The following ACKR3 variants were observed in gnomAD, a reference collection of about 807,000 sequenced individuals.
ACKR3 encodes atypical chemokine receptor 3.
In ACKR3, 6 loss-of-function variants were observed where a neutral mutation model predicts 22.4. The observed-to-expected ratio is 0.27, with a 90% CI of 0.15 to 0.53. The LOEUF (loss-of-function observed/expected upper bound fraction) is 0.53, where lower values mean the gene tolerates loss of function less well. Ranked by LOEUF, ACKR3 falls within the 20% of genes least tolerant of loss-of-function variation. The pLI is 0.96. For missense variants in ACKR3, 396 were observed against 475.2 expected (o/e 0.83, Z 1.55); for synonymous variants, 209 against 205.2 (o/e 1.02, Z -0.16).
the ACKR3 span, among the ~76,000 whole-genome samples, chr2:236,558,149 G>A: frequency 2.6e-5 from 4 of 152,132 alleles, no homozygotes; most frequent in Admixed American, 2.0e-4. Flanking sequence ...AGCTGGTGGT[G>A]GAAAAAAGCA....
the ACKR3 span, among the ~76,000 whole-genome samples, chr2:236,545,445 G>A: frequency 6.6e-6 from 1 of 152,172 alleles, no homozygotes; most frequent in East Asian, 1.9e-4. This position sits in a 1 kb window ranked among gnomAD's most constrained non-coding sequence, Gnocchi z 5.3. Context: ...CATTTCTTCC[G>A]CATTTGTGCA....
chr2:236,549,320 C>T, the ACKR3 span, among the ~76,000 whole-genome samples: 10 of 152,168 alleles, frequency 6.6e-5, no homozygotes. This position sits in a 1 kb window ranked among gnomAD's most constrained non-coding sequence, Gnocchi z 5.3. Context: ...CTGCCCATAC[C>T]CTTTTGTGGA....
chr2:236,579,837 T>C (rs762157504), intron 1 of ACKR3, among the ~76,000 whole-genome samples: 48 of 152,346 alleles, frequency 3.2e-4, no homozygotes, highest in Non-Finnish European at 5.7e-4. Context: ...AGAGGCTTTA[T>C]GACTGCACAC....
chr2:236,570,846 CTT>C (rs1691293592), intron 1 of ACKR3, among the ~76,000 whole-genome samples: 1 of 77,412 alleles, frequency 1.3e-5, no homozygotes, highest in Non-Finnish European at 2.4e-5. Flanking sequence ...CTCTCTTCCT[CTT>C]TCTTTCTTTC....
At chr2:236,569,053 T>C (rs1691249423), upstream of ACKR3, among the ~76,000 whole-genome samples, 1 of 152,206 alleles carries the variant, frequency 6.6e-6, no homozygotes, top group Non-Finnish European at 1.5e-5. Context: ...ACTTTAGCAA[T>C]ACGCATCCAA....
chr2:236,551,206 C>T, the ACKR3 span, among the ~76,000 whole-genome samples: 1 of 152,196 alleles, frequency 6.6e-6, no homozygotes, highest in South Asian at 2.1e-4. Context: ...CCTCAGCCTC[C>T]CGGTGCTCCG....
chr2:236,571,925 T>TA (rs1691319396), intron 1 of ACKR3, among the ~76,000 whole-genome samples: 1 of 152,204 alleles, frequency 6.6e-6, no homozygotes. Flanking sequence ...ATCAAATAAC[T>TA]TAGTTTTATT....
chr2:236,540,830 A>C, the ACKR3 span, among the ~76,000 whole-genome samples: 1 of 152,190 alleles, frequency 6.6e-6, no homozygotes. Context: ...TCTAGGGTCT[A>C]TCCTGCTCCA....
At chr2:236,564,021 A>G (rs1168523900), upstream of ACKR3, among the ~76,000 whole-genome samples, 1 of 152,132 alleles carries the variant, frequency 6.6e-6, no homozygotes, top group African/African-American at 2.4e-5. Flanking sequence ...CCTAAGGCCC[A>G]CCGGCCTCTG....
chr2:236,571,657 C>T (rs1172547668), intron 1 of ACKR3, among the ~76,000 whole-genome samples: 13 of 136,210 alleles, frequency 9.5e-5, no homozygotes. Context: ...AAACAAAAAA[C>T]CCTGCTTAAT....
the ACKR3 span, among the ~76,000 whole-genome samples, chr2:236,544,486 C>T: frequency 6.6e-6 from 1 of 152,128 alleles, no homozygotes; most frequent in South Asian, 2.1e-4. This position sits in a 1 kb window ranked among gnomAD's most constrained non-coding sequence, Gnocchi z 5.0. Flanking sequence ...GGTCTGGAGG[C>T]AGGGAGACCA....
chr2:236,542,301 G>C, the ACKR3 span, among the ~76,000 whole-genome samples: 1 of 152,194 alleles, frequency 6.6e-6, no homozygotes, highest in African/African-American at 2.4e-5. Context: ...AAAAATTAAA[G>C]CTTTTTTCCC....
upstream of ACKR3, among the ~76,000 whole-genome samples, chr2:236,565,735 T>A (rs115895349): frequency 9.7e-3 from 1,472 of 152,284 alleles, 33 homozygotes; most frequent in African/African-American, 0.034. Context: ...GGTAGACTTT[T>A]CCCACCCCTA....
the ACKR3 span, among the ~76,000 whole-genome samples, chr2:236,551,207 C>T: frequency 4.6e-5 from 7 of 152,318 alleles, no homozygotes; most frequent in East Asian, 1.9e-4. Flanking sequence ...CTCAGCCTCC[C>T]GGTGCTCCGG....
At chr2:236,550,899 G>T in the ACKR3 span, among the ~76,000 whole-genome samples, 27 of 152,198 alleles carry the variant, frequency 1.8e-4, no homozygotes, top group Admixed American at 1.8e-3. This position sits in a 1 kb window ranked among gnomAD's most constrained non-coding sequence, Gnocchi z 4.6. Flanking sequence ...CTGGGTGGCT[G>T]CAAGAATGAC....
chr2:236,576,080 C>A (rs1045952686), intron 1 of ACKR3, among the ~76,000 whole-genome samples: 1 of 152,298 alleles, frequency 6.6e-6, no homozygotes, highest in Non-Finnish European at 1.5e-5. Context: ...CTGGCATGGG[C>A]ACTGAGGCCC....
chr2:236,574,588 C>T lies in ACKR3; in HGVS notation c.-27+4664C>T, dbSNP rs1194991809. Among the ~76,000 whole-genome samples, 4 of 152,152 alleles carry T rather than the reference C, an allele frequency of 2.6e-5. No homozygotes were observed. In the South Asian group the frequency reaches 6.2e-4, roughly 24 times the overall value. On this transcript the variant is annotated intron_variant, in intron 1 of 1. Transcript: ENST00000272928. This position sits in a 1 kb window ranked among gnomAD's most constrained non-coding sequence, Gnocchi z 5.6. ...GGGACACTGGCCAGGTGCCTGAACACGTGGCATTCTCTGGAAGGAACTAAC... is the reference window on the plus strand; with the variant it reads ...GGGACACTGGCCAGGTGCCTGAACATGTGGCATTCTCTGGAAGGAACTAAC...
chr2:236,558,557 T>G, the ACKR3 span, among the ~76,000 whole-genome samples: 1 of 152,196 alleles, frequency 6.6e-6, no homozygotes, highest in Non-Finnish European at 1.5e-5. Context: ...AAAGTGTTGA[T>G]GCTAACTTCC....
At chr2:236,538,297 C>T in the ACKR3 span, among the ~76,000 whole-genome samples, 1 of 152,164 alleles carries the variant, frequency 6.6e-6, no homozygotes, top group East Asian at 1.9e-4. Context: ...AAAAGAAAAG[C>T]AGAACAGACA....
Sources: gnomAD v4.1 joint callset for allele counts (sites outside exome capture counted in the v4.1 genomes callset) on GRCh38, gnomAD v4.1.1 for gene constraint, Gnocchi (gnomAD v3.1) non-coding constraint, MANE v1.5 for transcripts, NCBI Gene and HGNC (gene_info 2026-07-23, HGNC 2026-07-21) for gene names.